Variants in FGF13 observed in about 807,000 individuals in gnomAD.
FGF13 encodes the protein fibroblast growth factor 13.
In FGF13, 2 loss-of-function variants were observed where a neutral mutation model predicts 19.5. That is an observed-to-expected ratio of 0.10 (90% CI 0.04 to 0.32). FGF13 has a LOEUF of 0.32. Ranked by LOEUF, FGF13 falls within the 10% of genes least tolerant of loss-of-function variation. The pLI is 1.00. For synonymous variants in FGF13, 72 were observed against 76.9 expected (o/e 0.94, Z 0.33); for missense variants, 113 against 192.7 (o/e 0.59, Z 2.45).
At chrX:138,725,271 A>G (rs1191435310) in intron 1 of FGF13, among the ~76,000 whole-genome samples, 1 of 111,419 alleles carries the variant, frequency 9.0e-6, no homozygotes, top group Non-Finnish European at 1.9e-5. Context: ...TTTTTCACTC[A>G]GTCTTTTTTT....
At chrX:138,818,378 G>A (rs6635724) in intron 3 of FGF13, among the ~76,000 whole-genome samples, 59 of 109,597 alleles carry the variant, frequency 5.4e-4, no homozygotes, top group African/African-American at 1.9e-3. Flanking sequence ...ATGTCCATAC[G>A]AAGGAATTTC....
At chrX:138,982,389 G>A (rs774957762) in intron 1 of FGF13, among the ~76,000 whole-genome samples, 18 of 111,723 alleles carry the variant, frequency 1.6e-4, no homozygotes, top group Middle Eastern at 4.6e-3. Context: ...CCTGTGAAAC[G>A]TTATTTTCCT....
At chrX:138,949,596 C>T (rs2091799710) in intron 1 of FGF13, among the ~76,000 whole-genome samples, 1 of 111,866 alleles carries the variant, frequency 8.9e-6, no homozygotes, top group Non-Finnish European at 1.9e-5. Context: ...AGATCACATG[C>T]TGGTGTTCCA....
intron 1 of FGF13, among the ~76,000 whole-genome samples, chrX:139,006,289 G>A (rs1019594987): frequency 1.8e-5 from 2 of 111,510 alleles, no homozygotes; most frequent in African/African-American, 6.5e-5. Context: ...TATTTGAAGT[G>A]CTGAAGAAAA....
At chrX:138,780,424 CACCTGCAGAG>C (rs1242884548) in intron 3 of FGF13, among the ~76,000 whole-genome samples, 1 of 91,132 alleles carries the variant, frequency 1.1e-5, no homozygotes, top group African/African-American at 4.5e-5. Context: ...AAACCCATCT[CACCTGCAGAG>C]ACACACATAG....
chrX:138,865,518 C>T (rs1306100121), intron 1 of FGF13, among the ~76,000 whole-genome samples: 1 of 87,240 alleles, frequency 1.1e-5, no homozygotes, highest in Non-Finnish European at 2.4e-5. Flanking sequence ...CCTCTCTCTT[C>T]CCTGAGGGCA....
At chrX:138,993,792 G>C (rs993000280) in intron 1 of FGF13, among the ~76,000 whole-genome samples, 4 of 111,528 alleles carry the variant, frequency 3.6e-5, no homozygotes, top group African/African-American at 1.3e-4. Flanking sequence ...TTCCCATGAA[G>C]CATAATAAAA....
chrX:138,618,594 G>C lies in FGF13; in HGVS notation c.*14256C>G, dbSNP rs1394121677. 1 of 111,600 alleles carries C rather than the reference G, an allele frequency of 9.0e-6. No individual in the cohort carries two copies. The highest frequency in any genetic ancestry group is 3.3e-5 in the African/African-American group (1 of 30,621). 9.2% of individuals were successfully genotyped at this position (111,600 alleles called of 1,213,427 possible). ...GCCTGAACTGTAAACCCCCGAAGCT[G>C]ACACATGGGTGCTCCCAAAACTTTG... On this transcript the variant is annotated 3_prime_UTR_variant, in exon 5 of 5. Transcript: ENST00000315930.
chrX:138,822,801 G>T (rs2091007620), intron 3 of FGF13, among the ~76,000 whole-genome samples: 1 of 112,548 alleles, frequency 8.9e-6, no homozygotes, highest in African/African-American at 3.2e-5. Context: ...CACAGAAGTT[G>T]TCCATTACCA....
At chrX:138,842,630 C>T (rs2091156826) in intron 3 of FGF13, among the ~76,000 whole-genome samples, 1 of 110,682 alleles carries the variant, frequency 9.0e-6, no homozygotes, top group African/African-American at 3.3e-5. Context: ...TTACACAGCC[C>T]AGTGGTTCTT....
At chrX:138,828,025 G>A (rs1250495780) in intron 3 of FGF13, among the ~76,000 whole-genome samples, 1 of 111,695 alleles carries the variant, frequency 9.0e-6, no homozygotes, top group East Asian at 2.8e-4. Flanking sequence ...ATACACTGGT[G>A]ACGACAAATT....
chrX:139,077,206 C>A lies in FGF13; in HGVS notation c.-113+126210G>T, dbSNP rs142008388. Among the ~76,000 whole-genome samples, 69 of 111,601 alleles carry A rather than the reference C, an allele frequency of 6.2e-4. No individual in the cohort carries two copies. In the East Asian group the frequency reaches 0.019, roughly 31 times the overall value. On this transcript the variant is annotated intron_variant, in intron 1 of 2. Coordinates refer to the FGF13 transcript ENST00000421460. ...CTAGTAAACTCCACTTGCCATCAGA[C>A]CCCTTGGTAGCATTCAATAAATGCC...
chrX:138,907,828 G>A (rs1288334854), intron 1 of FGF13, among the ~76,000 whole-genome samples: 1 of 111,309 alleles, frequency 9.0e-6, no homozygotes, highest in Non-Finnish European at 1.9e-5. Flanking sequence ...CTAACTCTTG[G>A]TTACTAAATA....
chrX:139,048,230 C>T (rs953042232), intron 1 of FGF13, among the ~76,000 whole-genome samples: 3 of 111,230 alleles, frequency 2.7e-5, no homozygotes, highest in South Asian at 7.4e-4. Flanking sequence ...TTGAAAAAGT[C>T]ACAGTTTTGC....
At chrX:139,031,332 A>G (rs1448402687) in intron 1 of FGF13, among the ~76,000 whole-genome samples, 1 of 111,673 alleles carries the variant, frequency 9.0e-6, no homozygotes, top group Non-Finnish European at 1.9e-5. Flanking sequence ...GGATGAACCA[A>G]CAGAGAATCT....
At chrX:138,902,534 T>A (rs2091536449) in intron 1 of FGF13, among the ~76,000 whole-genome samples, 1 of 111,802 alleles carries the variant, frequency 8.9e-6, no homozygotes, top group African/African-American at 3.2e-5. Context: ...ATTCTCTCCA[T>A]CAACTTTTTA....
intron 1 of FGF13, among the ~76,000 whole-genome samples, chrX:138,977,546 A>T (rs925922380): frequency 1.3e-4 from 15 of 112,673 alleles, no homozygotes; most frequent in Admixed American, 1.2e-3. Context: ...ATTCCTAAGA[A>T]ATTGGCCTTT....
chrX:138,798,039 T>C (rs1361560372), intron 3 of FGF13, among the ~76,000 whole-genome samples: 1 of 111,674 alleles, frequency 9.0e-6, no homozygotes, highest in Non-Finnish European at 1.9e-5. Flanking sequence ...GTGTTCCAAT[T>C]TGAGTACACT....
At chrX:138,776,576 A>C (rs1202735123) in intron 3 of FGF13, among the ~76,000 whole-genome samples, 1 of 112,266 alleles carries the variant, frequency 8.9e-6, no homozygotes, top group Non-Finnish European at 1.9e-5. Context: ...CATAACCAAA[A>C]ATGTAAAACA....
Sources: gnomAD v4.1 joint callset for allele counts (sites outside exome capture counted in the v4.1 genomes callset) on GRCh38, gnomAD v4.1.1 for gene constraint, MANE v1.5 for transcripts, NCBI Gene and HGNC (gene_info 2026-07-23, HGNC 2026-07-21) for gene names.